LPP: variants seen among roughly 807,000 people sequenced by gnomAD.
LPP encodes the protein LIM domain containing preferred translocation partner in lipoma, also known as lipoma-preferred partner.
LPP carries 38 observed loss-of-function variants against 60.4 expected under a neutral mutation model. The observed-to-expected ratio is 0.63, with a 90% CI of 0.49 to 0.83. The LOEUF (loss-of-function observed/expected upper bound fraction) is 0.83. Ranked by LOEUF, LPP falls within the 40% of genes least tolerant of loss-of-function variation. LPP has a pLI of 0.00. For synonymous variants in LPP, 328 were observed against 290.8 expected, an observed-to-expected ratio of 1.13 and a Z score of -1.30; for missense variants, 902 against 783.6, an observed-to-expected ratio of 1.15 and a Z score of -1.80.
Position 188,875,518 on chromosome 3 carries a change from T to C in LPP, c.*1039T>C, listed in dbSNP as rs1578107341. On this transcript the variant is annotated 3_prime_UTR_variant, in exon 12 of 12. Coordinates refer to ENST00000617246, the MANE Select transcript of LPP (RefSeq NM_001375462.1). Reference sequence around the variant, plus strand: ...GTCCATTTTGCCTGACAATTGCAAATCAGAGCATACAAAATAAAACTGTGC... The same window carrying C: ...GTCCATTTTGCCTGACAATTGCAAACCAGAGCATACAAAATAAAACTGTGC... The C allele has an allele frequency of 4.7e-6, 1 of 214,240 alleles. No homozygotes were observed. The highest frequency in any genetic ancestry group is 7.0e-5 in the East Asian group (1 of 14,288). 13.3% of individuals were successfully genotyped at this position (214,240 alleles called of 1,614,324 possible).
At chr3:188,826,215 C>G (rs938203364) in intron 9 of LPP, among the ~76,000 whole-genome samples, 1 of 152,176 alleles carries the variant, frequency 6.6e-6, no homozygotes, top group Admixed American at 6.5e-5. Context: ...CTACGCTTTC[C>G]TACTCACTGA....
chr3:188,427,553 T>G (rs906484174), intron 4 of LPP, among the ~76,000 whole-genome samples: 1 of 152,178 alleles, frequency 6.6e-6, no homozygotes, highest in Non-Finnish European at 1.5e-5. Flanking sequence ...TGAATTTGAA[T>G]GTTGGCCTGT....
At chr3:188,279,471 T>G (rs999632670) in intron 2 of LPP, among the ~76,000 whole-genome samples, 3 of 152,250 alleles carry the variant, frequency 2.0e-5, no homozygotes, top group African/African-American at 7.2e-5. Flanking sequence ...ATTAGGGGAC[T>G]TGAATTGAGA....
At chr3:188,733,247 G>T (rs1721288497) in intron 8 of LPP, among the ~76,000 whole-genome samples, 1 of 151,676 alleles carries the variant, frequency 6.6e-6, no homozygotes. Flanking sequence ...ACAGTCAAAA[G>T]TTCTCAACCT....
At chr3:188,382,873 C>T (rs1458377473) in intron 3 of LPP, among the ~76,000 whole-genome samples, 3 of 152,188 alleles carry the variant, frequency 2.0e-5, no homozygotes, top group Non-Finnish European at 2.9e-5. Context: ...TAACCTGTGA[C>T]CTCCTCCCAC....
At chr3:188,441,421 G>A (rs1200665838) in intron 4 of LPP, among the ~76,000 whole-genome samples, 2 of 151,796 alleles carry the variant, frequency 1.3e-5, no homozygotes, top group Non-Finnish European at 2.9e-5. Flanking sequence ...AAATAAAACT[G>A]CAGTGGATGT....
intron 9 of LPP, among the ~76,000 whole-genome samples, chr3:188,834,324 G>GTTTTTTTTTTTTTTTTTTTTTTTGTTTTT (rs1757846532): frequency 2.9e-5 from 1 of 34,076 alleles, no homozygotes; most frequent in Admixed American, 4.4e-4. Context: ...CTTTTTGGGT[G>GTTTTTTTTTTTTTTTTTTTTTTTGTTTTT]TTTTTTTTTT....
At chr3:188,291,959 A>T (rs1746141781) in intron 2 of LPP, among the ~76,000 whole-genome samples, 1 of 152,186 alleles carries the variant, frequency 6.6e-6, no homozygotes, top group Non-Finnish European at 1.5e-5. Context: ...GTCAGATTAT[A>T]TAGAGTTGTA....
chr3:188,269,155 A>G (rs913988854), intron 2 of LPP, among the ~76,000 whole-genome samples: 1 of 152,180 alleles, frequency 6.6e-6, no homozygotes, highest in Non-Finnish European at 1.5e-5. Flanking sequence ...ACATACTGTT[A>G]AGGGTTAATA....
chr3:188,403,431 A>C (rs1378255222), intron 3 of LPP, among the ~76,000 whole-genome samples: 6 of 152,242 alleles, frequency 3.9e-5, no homozygotes, highest in Admixed American at 3.9e-4. Context: ...GAGACCTTCC[A>C]AGGATAGTAT....
At chr3:188,577,753 G>T (rs9863167) in intron 6 of LPP, among the ~76,000 whole-genome samples, 1 of 98,020 alleles carries the variant, frequency 1.0e-5, no homozygotes. Context: ...TTGTTCCTTC[G>T]TTCCTTCGTT....
At chr3:188,383,501 T>C (rs1237349970) in intron 3 of LPP, among the ~76,000 whole-genome samples, 1 of 152,222 alleles carries the variant, frequency 6.6e-6, no homozygotes, top group South Asian at 2.1e-4. Context: ...ATGTATACTA[T>C]ATATGGATGT....
At chr3:188,679,517 CTCTGTG>C (rs1188965578) in intron 7 of LPP, among the ~76,000 whole-genome samples, 4 of 102,496 alleles carry the variant, frequency 3.9e-5, no homozygotes, top group African/African-American at 1.2e-4. Context: ...ACTTTGAATA[CTCTGTG>C]TGTGTGTGTG....
chr3:188,528,790 T>C (rs1821373256), intron 6 of LPP, among the ~76,000 whole-genome samples: 1 of 152,208 alleles, frequency 6.6e-6, no homozygotes, highest in Non-Finnish European at 1.5e-5. Flanking sequence ...TGATTTTAAG[T>C]TCTAAACACC....
At chr3:188,849,245 G>T (rs1042518036) in intron 9 of LPP, among the ~76,000 whole-genome samples, 4 of 152,070 alleles carry the variant, frequency 2.6e-5, no homozygotes, top group Admixed American at 2.0e-4. Flanking sequence ...AACCCCTTTG[G>T]CCAGAACAAA....
At chr3:188,512,592 T>TAAATAAATAA (rs1202000749) in intron 5 of LPP, among the ~76,000 whole-genome samples, 8 of 151,402 alleles carry the variant, frequency 5.3e-5, no homozygotes, top group African/African-American at 1.9e-4. Context: ...AATAAATAAA[T>TAAATAAATAA]AAAGTTCCCA....
At chr3:188,674,692 G>A (rs1426550951) in intron 7 of LPP, among the ~76,000 whole-genome samples, 1 of 152,120 alleles carries the variant, frequency 6.6e-6, no homozygotes, top group African/African-American at 2.4e-5. Context: ...TGCTAGATAA[G>A]GTTTACCATC....
chr3:188,720,430 G>A (rs761717662), intron 8 of LPP, among the ~76,000 whole-genome samples: 1 of 152,116 alleles, frequency 6.6e-6, no homozygotes, highest in Non-Finnish European at 1.5e-5. Flanking sequence ...CCGGTTCAGA[G>A]GATTTTGCCA....
chr3:188,452,397 G>A lies in LPP; in HGVS notation c.194-32195G>A, dbSNP rs143043959. Among the ~76,000 whole-genome samples the A allele has an allele frequency of 1.5e-3, 227 of 152,128 alleles. 2 individuals carry two copies. Among genetic ancestry groups the A allele is most frequent in the African/African-American group, 5.3e-3 (220 of 41,526 alleles). On this transcript the variant is annotated intron_variant, in intron 4 of 11. Transcript: ENST00000617246. ...CCTCCTCTTGTTTCCTTTCTCCCCA[G>A]AAAGGCCTCACTTGCTGCATGACAA...
Sources: allele counts gnomAD v4.1 joint callset (sites outside exome capture counted in the v4.1 genomes callset), GRCh38; gene constraint gnomAD v4.1.1; transcripts MANE v1.5; gene names NCBI Gene and HGNC (gene_info 2026-07-23, HGNC 2026-07-21).